The following TXNDC16 variants were observed in gnomAD, a reference collection of about 807,000 sequenced individuals.
The protein encoded by TXNDC16 is thioredoxin domain-containing protein 16.
TXNDC16 carries 74 observed loss-of-function variants against 85.6 expected under a neutral mutation model. That is an observed-to-expected ratio of 0.86 (90% CI 0.72 to 1.05). The LOEUF is 1.05. Ranked by LOEUF, TXNDC16 falls within the 50% of genes least tolerant of loss-of-function variation. The pLI is 0.00. For synonymous variants in TXNDC16, 335 were observed against 326.5 expected (o/e 1.03, Z -0.28); for missense variants, 959 against 947.0 (o/e 1.01, Z -0.17).
chr14:52,496,601 G>C (rs1409137466), intron 9 of TXNDC16, among the ~76,000 whole-genome samples: 1 of 140,938 alleles, frequency 7.1e-6, no homozygotes, highest in Non-Finnish European at 1.5e-5. Context: ...ACTTTTTTAT[G>C]ATTTTATGAT....
In TXNDC16 at chr14:52,536,150, G is replaced by A. The variant is rs557266057; in HGVS notation, c.392+569C>T. 5.3e-5 allele frequency among the ~76,000 whole-genome samples: 8 copies of A among 152,248 alleles called. No homozygotes were observed. In the East Asian group the frequency reaches 1.3e-3, roughly 26 times the overall value. ...AACTGCCAGTATGATGATATTAGGA[G>A]GTTATAAGGGCAGAGCCCTCAAGAA... is the stretch of plus-strand genomic sequence containing the variant. On this transcript the variant is annotated intron_variant, in intron 6 of 20. Transcript: ENST00000281741.
In TXNDC16 at chr14:52,519,460, A is replaced by G. The variant is rs74808945; in HGVS notation, c.393-167T>C. Among the ~76,000 whole-genome samples the G allele has an allele frequency of 4.9e-3, 740 of 152,350 alleles. 14 individuals are homozygous for G. Among genetic ancestry groups the G allele is most frequent in the Admixed American group, 0.039 (601 of 15,296 alleles). ...ATACTAAATTAGAATCACTCTCCAG[A>G]TCATTAATCTGTCTCTGAGAACATC... is the stretch of plus-strand genomic sequence containing the variant. On this transcript the variant is annotated intron_variant, in intron 6 of 20. Coordinates refer to ENST00000281741, the MANE Select transcript of TXNDC16 (RefSeq NM_020784.3).
intron 6 of TXNDC16, among the ~76,000 whole-genome samples, chr14:52,531,044 T>TA (rs2037565265): frequency 6.6e-6 from 1 of 152,136 alleles, no homozygotes; most frequent in African/African-American, 2.4e-5. Context: ...TCATCATAGA[T>TA]AGACAGATGG....
chr14:52,470,240 C>A, intron 15 of TXNDC16, 67 bp from the exon 16 acceptor site: 2 of 1,180,786 alleles, frequency 1.7e-6, no homozygotes, highest in South Asian at 1.7e-5. Context: ...AAAAAAAAAG[C>A]ATACTAAACA....
Position 52,485,684 on chromosome 14 carries a change from A to AC in TXNDC16, c.1108+2678dup, listed in dbSNP as rs1566553653. On this transcript the variant is annotated intron_variant, in intron 12 of 20. Transcript: ENST00000281741. ...ATCTACCATTGTGTTATAGGTACCTACAGTATTCAGTACAGTAACATGCTG... is the reference window on the plus strand; with the variant it reads ...ATCTACCATTGTGTTATAGGTACCTACCAGTATTCAGTACAGTAACATGCTG... Among the ~76,000 whole-genome samples the AC allele has an allele frequency of 2.0e-4, 30 of 152,304 alleles. No individual in the cohort carries two copies. The South Asian group carries it at 5.8e-3, about 29-fold the overall frequency.
chr14:52,467,624 T>C (rs1359569526), intron 16 of TXNDC16, among the ~76,000 whole-genome samples: 5 of 152,284 alleles, frequency 3.3e-5, no homozygotes, highest in South Asian at 2.1e-4. Context: ...GTTAAAGTCA[T>C]TGGAACCCCT....
chr14:52,442,070 G>C (rs1426364950), intron 18 of TXNDC16, among the ~76,000 whole-genome samples: 1 of 151,302 alleles, frequency 6.6e-6, no homozygotes, highest in Non-Finnish European at 1.5e-5. Flanking sequence ...GGAATTGAAA[G>C]AAAAAAAATA....
chr14:52,502,466 T>A (rs1278365573), intron 9 of TXNDC16, among the ~76,000 whole-genome samples: 1 of 152,240 alleles, frequency 6.6e-6, no homozygotes, highest in African/African-American at 2.4e-5. Context: ...TCCTACAGAA[T>A]ACAATATAAA....
Sources: gnomAD v4.1 joint callset for allele counts (sites outside exome capture counted in the v4.1 genomes callset) on GRCh38, gnomAD v4.1.1 for gene constraint, MANE v1.5 for transcripts, NCBI Gene and HGNC (gene_info 2026-07-23, HGNC 2026-07-21) for gene names.